CSMD1: variants seen among roughly 807,000 people sequenced by gnomAD.
The protein encoded by CSMD1 is CUB and sushi domain-containing protein 1.
A neutral mutation model predicts 417.5 loss-of-function variants in CSMD1; 213 were observed. The observed-to-expected ratio is 0.51, with a 90% CI of 0.46 to 0.57. The LOEUF (loss-of-function observed/expected upper bound fraction) is 0.57, where lower values mean the gene tolerates loss of function less well. CSMD1 is among the 20% of genes least tolerant of loss of function. CSMD1 has a pLI of 0.00. For missense variants in CSMD1, 6,923 were observed against 4,529.7 expected (o/e 1.53, Z -15.17); for synonymous variants, 2,862 against 1,736.8 (o/e 1.65, Z -16.11).
chr8:4,551,176 G>A lies in CSMD1; in HGVS notation c.302+86166C>T, dbSNP rs192081788. Among the ~76,000 whole-genome samples, 271 of 152,094 alleles carry A rather than the reference G, an allele frequency of 1.8e-3. 1 individual carries two copies. Among genetic ancestry groups the A allele is most frequent in the Admixed American group, 3.4e-3 (52 of 15,268 alleles). On this transcript the variant is annotated intron_variant, in intron 2 of 69. Coordinates refer to ENST00000635120, the MANE Select transcript of CSMD1 (RefSeq NM_033225.6). ...AGATCCTGTGTATCTTACCTTCCAC[G>A]GACTCAGCTCAGAAATGTCCACCAG... is the stretch of plus-strand genomic sequence containing the variant.
chr8:3,602,168 C>A, intron 8 of CSMD1, among the ~76,000 whole-genome samples: 1 of 152,166 alleles, frequency 6.6e-6, no homozygotes, highest in African/African-American at 2.4e-5. Context: ...GATTTTATCA[C>A]AATTAAACAT....
chr8:3,747,492 CGTTTGT>C (rs1797117676), intron 6 of CSMD1, among the ~76,000 whole-genome samples: 1 of 133,338 alleles, frequency 7.5e-6, no homozygotes, highest in South Asian at 2.4e-4. Flanking sequence ...ACAAATCATA[CGTTTGT>C]TTTTTTTCCT....
intron 4 of CSMD1, among the ~76,000 whole-genome samples, chr8:4,009,843 C>G (rs558938884): frequency 6.6e-6 from 1 of 152,228 alleles, no homozygotes; most frequent in East Asian, 1.9e-4. Flanking sequence ...CCACTTACTT[C>G]ATGCCTGAGG....
intron 1 of CSMD1, among the ~76,000 whole-genome samples, chr8:4,761,703 T>A (rs1387804251): frequency 6.6e-6 from 1 of 152,176 alleles, no homozygotes. Flanking sequence ...AATTAAATGA[T>A]GCACTGTTTA....
At chr8:4,427,021 G>A (rs1210955005) in intron 2 of CSMD1, among the ~76,000 whole-genome samples, 1 of 152,088 alleles carries the variant, frequency 6.6e-6, no homozygotes, top group East Asian at 1.9e-4. Context: ...CAGTGATCAT[G>A]TCCCCACGAG....
At chr8:4,980,745 G>C (rs537056576) in intron 1 of CSMD1, among the ~76,000 whole-genome samples, 2 of 152,108 alleles carry the variant, frequency 1.3e-5, no homozygotes, top group Admixed American at 1.3e-4. Context: ...TCTGCAAAAA[G>C]CTACACCAAG....
intron 2 of CSMD1, among the ~76,000 whole-genome samples, chr8:4,632,315 C>T (rs1802567691): frequency 6.6e-6 from 1 of 152,134 alleles, no homozygotes; most frequent in Non-Finnish European, 1.5e-5. Context: ...GAGTTCTAGA[C>T]CAGCCTGGCC....
At position 2,938,433 on chromosome 8, in the gene CSMD1, A is replaced by T. The variant is rs980069168; in HGVS notation, c.*152T>A. 1.9e-5 allele frequency: 13 copies of T among 690,892 alleles called. No individual in the cohort carries two copies. Among genetic ancestry groups the T allele is most frequent in the Non-Finnish European group, 2.8e-5 (12 of 422,592 alleles). 42.8% of individuals were successfully genotyped at this position (690,892 alleles called of 1,614,324 possible). On this transcript the variant is annotated 3_prime_UTR_variant, in exon 70 of 70. Transcript: ENST00000635120. ...GTAGAAGACCCTGACACATTTGAGTAGAGATCCCCGCTGCACTTATGCCAG... is the reference window on the plus strand; with the variant it reads ...GTAGAAGACCCTGACACATTTGAGTTGAGATCCCCGCTGCACTTATGCCAG...
At chr8:3,300,699 C>G (rs1163111213) in intron 25 of CSMD1, among the ~76,000 whole-genome samples, 7 of 151,962 alleles carry the variant, frequency 4.6e-5, no homozygotes, top group Non-Finnish European at 7.4e-5. Flanking sequence ...GCTCACGCTT[C>G]TAATCCCAGT....
chr8:4,572,686 C>G (rs1299022286), intron 2 of CSMD1, among the ~76,000 whole-genome samples: 1 of 152,194 alleles, frequency 6.6e-6, no homozygotes, highest in Non-Finnish European at 1.5e-5. Context: ...TGAGGAAGAT[C>G]TCCTGGATAA....
At chr8:3,502,343 G>A (rs1482192939) in intron 10 of CSMD1, among the ~76,000 whole-genome samples, 1 of 136,374 alleles carries the variant, frequency 7.3e-6, no homozygotes, top group Non-Finnish European at 1.5e-5. Flanking sequence ...GCAGCCTGGG[G>A]GACAGACCGA....
chr8:4,474,029 G>T (rs1478679121), intron 2 of CSMD1, among the ~76,000 whole-genome samples: 1 of 152,028 alleles, frequency 6.6e-6, no homozygotes, highest in African/African-American at 2.4e-5. Context: ...TTAAATAAGA[G>T]ATACTATCAA....
At chr8:4,296,164 C>G (rs1797670011) in intron 3 of CSMD1, among the ~76,000 whole-genome samples, 1 of 152,078 alleles carries the variant, frequency 6.6e-6, no homozygotes. Flanking sequence ...TCAAACTATG[C>G]TCAGGGTCTC....
intron 10 of CSMD1, among the ~76,000 whole-genome samples, chr8:3,548,140 C>A (rs1798754281): frequency 6.6e-6 from 1 of 152,134 alleles, no homozygotes; most frequent in Admixed American, 6.5e-5. Flanking sequence ...CTGTATGACT[C>A]TATCGGTACA....
intron 2 of CSMD1, among the ~76,000 whole-genome samples, chr8:4,506,033 C>T (rs1233248862): frequency 6.6e-6 from 1 of 151,970 alleles, no homozygotes; most frequent in Non-Finnish European, 1.5e-5. Flanking sequence ...CTGCCCCAAA[C>T]ATATTTTTGA....
chr8:2,997,961 G>A (rs1361094626), intron 54 of CSMD1, 50 bp downstream of exon 54: 1 of 1,567,284 alleles, frequency 6.4e-7, no homozygotes. Flanking sequence ...TTACTGGGCA[G>A]CCTAGAACAC....
chr8:2,986,387 G>C (rs1050405787), intron 54 of CSMD1, among the ~76,000 whole-genome samples: 1 of 152,154 alleles, frequency 6.6e-6, no homozygotes, highest in Non-Finnish European at 1.5e-5. Flanking sequence ...CCTGCAGCTA[G>C]GACTAGGTGG....
Position 3,226,083 on chromosome 8 carries a change from A to T in CSMD1, c.4346-2216T>A, listed in dbSNP as rs141902050. On this transcript the variant is annotated intron_variant, in intron 27 of 69. Transcript: ENST00000635120. Reference sequence around the variant, plus strand: ...GACCCATCTACGTTTCTGCATTAAAACATTTGAATGTTCACACCGTTGGGG... The same window carrying T: ...GACCCATCTACGTTTCTGCATTAAATCATTTGAATGTTCACACCGTTGGGG... 3.3e-4 allele frequency among the ~76,000 whole-genome samples: 51 copies of T among 152,322 alleles called. 1 individual carries two copies. The East Asian group carries it at 9.5e-3, about 28-fold the overall frequency.
intron 8 of CSMD1, among the ~76,000 whole-genome samples, chr8:3,593,992 G>A (rs1409595304): frequency 6.6e-6 from 1 of 152,170 alleles, no homozygotes; most frequent in Non-Finnish European, 1.5e-5. Context: ...TTAGAAAGAC[G>A]ACAGTGTTTT....
Sources: gnomAD v4.1 joint callset for allele counts (sites outside exome capture counted in the v4.1 genomes callset) on GRCh38, gnomAD v4.1.1 for gene constraint, MANE v1.5 for transcripts, NCBI Gene and HGNC (gene_info 2026-07-23, HGNC 2026-07-21) for gene names.